ARHGAP24: variants seen among roughly 807,000 people sequenced by gnomAD.
ARHGAP24 encodes the protein rho GTPase-activating protein 24.
In ARHGAP24, 50 loss-of-function variants were observed where a neutral mutation model predicts 76.4. That is an observed-to-expected ratio of 0.65 (90% CI 0.52 to 0.83). The LOEUF (loss-of-function observed/expected upper bound fraction) is 0.83, where lower values mean the gene tolerates loss of function less well. ARHGAP24 is among the 40% of genes least tolerant of loss of function. The pLI, the probability that ARHGAP24 is intolerant of heterozygous loss-of-function variation, is 0.00. For missense variants in ARHGAP24, 930 were observed against 914.2 expected, an observed-to-expected ratio of 1.02 and a Z score of -0.22; for synonymous variants, 345 against 323.3, an observed-to-expected ratio of 1.07 and a Z score of -0.72.
Position 85,475,408 on chromosome 4 carries a change from A to T in ARHGAP24, c.-172A>T. On this transcript the variant is annotated 5_prime_UTR_variant, in exon 1 of 10. Transcript: ENST00000395184. The stretch of plus-strand genomic sequence containing the variant: ...CGAAACCCGCGCTGCGGAGCAGCCC[A>T]GTGCATAGAGTTCAACACTTCCCCT... 1 of 152,694 alleles carries T rather than the reference A, an allele frequency of 6.5e-6. No individual in the cohort carries two copies. The highest frequency in any genetic ancestry group is 1.5e-5 in the Non-Finnish European group (1 of 68,102). 9.5% of individuals were successfully genotyped at this position (152,694 alleles called of 1,614,324 possible).
intron 3 of ARHGAP24, among the ~76,000 whole-genome samples, chr4:85,728,130 T>G (rs2110049360): frequency 6.6e-6 from 1 of 151,784 alleles, no homozygotes; most frequent in East Asian, 1.9e-4. Context: ...TTAAAAAGTT[T>G]CCATTCTAAT....
At chr4:85,946,353 G>C (rs962338648) in intron 5 of ARHGAP24, among the ~76,000 whole-genome samples, 1 of 151,772 alleles carries the variant, frequency 6.6e-6, no homozygotes, top group Non-Finnish European at 1.5e-5. Flanking sequence ...TTTTTATTTA[G>C]AATTGCGTAC....
intron 2 of ARHGAP24, among the ~76,000 whole-genome samples, chr4:85,701,374 C>T (rs1351056151): frequency 6.6e-6 from 1 of 152,080 alleles, no homozygotes; most frequent in Non-Finnish European, 1.5e-5. Flanking sequence ...TTAGTGCACC[C>T]ATCACCTGAG....
At chr4:85,483,383 C>T (rs1722891585) in intron 1 of ARHGAP24, among the ~76,000 whole-genome samples, 1 of 151,904 alleles carries the variant, frequency 6.6e-6, no homozygotes, top group African/African-American at 2.4e-5. Flanking sequence ...GCCTATAATC[C>T]CAGCACTTTG....
chr4:85,813,921 A>G (rs114749541), intron 3 of ARHGAP24, among the ~76,000 whole-genome samples: 14,442 of 151,026 alleles, frequency 0.096, 1,015 homozygotes, highest in East Asian at 0.39. Flanking sequence ...TTACAAAACA[A>G]AAAGGTTTAT....
chr4:85,537,011 C>T (rs2084270242), intron 1 of ARHGAP24, among the ~76,000 whole-genome samples: 1 of 152,028 alleles, frequency 6.6e-6, no homozygotes, highest in South Asian at 2.1e-4. Flanking sequence ...TGAGGAAAAT[C>T]CTCATTATTT....
chr4:85,820,197 C>T (rs1729410248), intron 3 of ARHGAP24, among the ~76,000 whole-genome samples: 1 of 152,148 alleles, frequency 6.6e-6, no homozygotes, highest in African/African-American at 2.4e-5. Flanking sequence ...ATGTTCATCA[C>T]AGCACCATTC....
intron 3 of ARHGAP24, among the ~76,000 whole-genome samples, chr4:85,857,790 C>T (rs345360): frequency 0.36 from 54,607 of 151,900 alleles, 10,675 homozygotes; most frequent in Non-Finnish European, 0.45. Flanking sequence ...CACAACTCAA[C>T]TGGTTGCAGA....
At chr4:85,511,042 C>G (rs993213481) in intron 1 of ARHGAP24, among the ~76,000 whole-genome samples, 3 of 152,126 alleles carry the variant, frequency 2.0e-5, no homozygotes, top group Non-Finnish European at 4.4e-5. Flanking sequence ...AACGGCCACC[C>G]ATAAAATACA....
chr4:85,493,284 A>ATCATACT (rs1283078234), intron 1 of ARHGAP24, among the ~76,000 whole-genome samples: 3 of 152,350 alleles, frequency 2.0e-5, no homozygotes, highest in African/African-American at 2.4e-5. Flanking sequence ...AGTTTTTTCT[A>ATCATACT]TCATACTTTC....
intron 2 of ARHGAP24, among the ~76,000 whole-genome samples, chr4:85,680,108 C>T (rs1723147058): frequency 6.6e-6 from 1 of 152,166 alleles, no homozygotes; most frequent in Non-Finnish European, 1.5e-5. Flanking sequence ...GCATCATCAA[C>T]ACCGCAGTTG....
At chr4:85,951,644 T>G (rs1009295365) in intron 5 of ARHGAP24, among the ~76,000 whole-genome samples, 14 of 152,178 alleles carry the variant, frequency 9.2e-5, no homozygotes, top group African/African-American at 2.4e-4. Context: ...GAATAGATAT[T>G]AAGTTGTAAA....
At chr4:85,552,668 A>T (rs915899275) in intron 1 of ARHGAP24, among the ~76,000 whole-genome samples, 2 of 152,154 alleles carry the variant, frequency 1.3e-5, no homozygotes, top group African/African-American at 4.8e-5. Flanking sequence ...CTTTGTAGGT[A>T]TCTAAGAACT....
At chr4:85,825,180 T>C (rs888118739) in intron 3 of ARHGAP24, among the ~76,000 whole-genome samples, 5 of 152,202 alleles carry the variant, frequency 3.3e-5, no homozygotes, top group African/African-American at 1.2e-4. Context: ...AGAAAGTGCC[T>C]AAAACTCTGT....
At chr4:85,980,666 T>G (rs1015350382) in intron 8 of ARHGAP24, among the ~76,000 whole-genome samples, 1 of 152,242 alleles carries the variant, frequency 6.6e-6, no homozygotes, top group Non-Finnish European at 1.5e-5. Context: ...TGTAAATCTA[T>G]CCACTTAATG....
intron 2 of ARHGAP24, among the ~76,000 whole-genome samples, chr4:85,657,683 T>G (rs1330189257): frequency 6.6e-6 from 1 of 152,192 alleles, no homozygotes; most frequent in Admixed American, 6.5e-5. Context: ...TTTCATTTGT[T>G]TGGCAAAATG....
At position 85,852,412 on chromosome 4, in the gene ARHGAP24, G is replaced by T. The variant is rs550387900; in HGVS notation, c.269-71236G>T. 2.6e-4 allele frequency among the ~76,000 whole-genome samples: 40 copies of T among 152,292 alleles called. No homozygotes were observed. The East Asian group carries it at 7.3e-3, about 28-fold the overall frequency. ...TTTGAATATCCTCCTTTAGCTCAGAGAAATTTGTTTTTACCGACCTTCTGA... is the reference window on the plus strand; with the variant it reads ...TTTGAATATCCTCCTTTAGCTCAGATAAATTTGTTTTTACCGACCTTCTGA... On this transcript the variant is annotated intron_variant, in intron 3 of 9. Coordinates refer to ENST00000395184, the MANE Select transcript of ARHGAP24 (RefSeq NM_001025616.3).
intron 8 of ARHGAP24, among the ~76,000 whole-genome samples, chr4:85,988,619 A>G (rs539259252): frequency 1.3e-5 from 2 of 151,098 alleles, no homozygotes; most frequent in Non-Finnish European, 3.0e-5. Flanking sequence ...AACTTTTTTT[A>G]AAAAAAAGGA....
chr4:85,885,117 G>A (rs142513676), intron 3 of ARHGAP24, among the ~76,000 whole-genome samples: 1 of 152,084 alleles, frequency 6.6e-6, no homozygotes, highest in Non-Finnish European at 1.5e-5. Context: ...TTCATTATTA[G>A]CCAACGTATT....
Sources: gnomAD v4.1 joint callset for allele counts (sites outside exome capture counted in the v4.1 genomes callset) on GRCh38, gnomAD v4.1.1 for gene constraint, MANE v1.5 for transcripts, NCBI Gene and HGNC (gene_info 2026-07-23, HGNC 2026-07-21) for gene names.